Variants in USP10 observed in about 807,000 individuals in gnomAD.
USP10 encodes ubiquitin carboxyl-terminal hydrolase 10.
USP10 carries 22 observed loss-of-function variants against 84.5 expected under a neutral mutation model. That is an observed-to-expected ratio of 0.26 (90% CI 0.19 to 0.37). USP10 has a LOEUF of 0.37. Ranked by LOEUF, USP10 falls within the 10% of genes least tolerant of loss-of-function variation. The pLI, the probability that USP10 is intolerant of heterozygous loss-of-function variation, is 1.00. For synonymous variants in USP10, 454 were observed against 387.6 expected, an observed-to-expected ratio of 1.17 and a Z score of -2.01; for missense variants, 1,019 against 998.9, an observed-to-expected ratio of 1.02 and a Z score of -0.27.
At chr16:84,763,960 C>A in intron 9 of USP10, 126 bp from the exon 10 acceptor site, 1 of 1,215,910 alleles carries the variant, frequency 8.2e-7, no homozygotes, top group Non-Finnish European at 1.1e-6. Flanking sequence ...CGATTGGTTG[C>A]CGTGGCTCCT....
intron 1 of USP10, among the ~76,000 whole-genome samples, chr16:84,701,935 T>A (rs1904912336): frequency 1.5e-5 from 1 of 65,638 alleles, no homozygotes; most frequent in African/African-American, 4.8e-5. Flanking sequence ...AATTTTCTTC[T>A]TCTTTTTTTT....
Position 84,748,153 on chromosome 16 carries a change from C to CAA in USP10, c.1192+2503_1192+2504dup, listed in dbSNP as rs1169089505. 3.0e-3 allele frequency among the ~76,000 whole-genome samples: 153 copies of CAA among 51,146 alleles called. 8 individuals are homozygous for CAA. The highest frequency in any genetic ancestry group is 9.7e-3 in the South Asian group (7 of 722). 33.6% of individuals were successfully genotyped at this position (51,146 alleles called of 152,430 possible). A position where few individuals can be genotyped will look rare whatever the true frequency, so the allele number is the denominator to read the frequency against. ...TGGGCGACAGAGCCAGACTCCATCT[C>CAA]AAAAAAAAAAAAAAAAAAAAAAAAG... On this transcript the variant is annotated intron_variant, in intron 4 of 13. Coordinates refer to ENST00000219473, the MANE Select transcript of USP10 (RefSeq NM_005153.3).
At chr16:84,761,283 C>G (rs146144492) in intron 8 of USP10, among the ~76,000 whole-genome samples, 159 of 152,308 alleles carry the variant, frequency 1.0e-3, no homozygotes, top group African/African-American at 3.7e-3. Flanking sequence ...TCAGGAACCC[C>G]TCTTGGATCG....
At chr16:84,751,604 A>G (rs186875111) in intron 4 of USP10, among the ~76,000 whole-genome samples, 23 of 152,316 alleles carry the variant, frequency 1.5e-4, no homozygotes, top group Non-Finnish European at 3.1e-4. Flanking sequence ...TCTGTAGTCA[A>G]TGGGTAGTGG....
intron 4 of USP10, among the ~76,000 whole-genome samples, chr16:84,758,278 G>A (rs554453735): frequency 2.3e-4 from 35 of 152,346 alleles, no homozygotes; most frequent in South Asian, 4.1e-4. Context: ...TGGGGATGCA[G>A]AGAGGAATGA....
intron 2 of USP10, among the ~76,000 whole-genome samples, chr16:84,739,370 C>A (rs960665179): frequency 6.6e-6 from 1 of 152,118 alleles, no homozygotes; most frequent in African/African-American, 2.4e-5. Flanking sequence ...CCCCCAGGTT[C>A]AAACGATTCT....
chr16:84,772,345 T>C (rs1419598450), intron 11 of USP10, among the ~76,000 whole-genome samples, 196 bp from the exon 12 acceptor site: 1 of 152,104 alleles, frequency 6.6e-6, no homozygotes, highest in African/African-American at 2.4e-5. Context: ...AGCCACTGCA[T>C]CTGGGTATGT....
chr16:84,742,988 G>C (rs1910798624), intron 3 of USP10, among the ~76,000 whole-genome samples: 2 of 152,114 alleles, frequency 1.3e-5, no homozygotes, highest in Admixed American at 6.5e-5. Context: ...TTTCTAATGT[G>C]ATTTCACAGC....
At chr16:84,753,529 C>T (rs975354881) in intron 4 of USP10, among the ~76,000 whole-genome samples, 3 of 152,276 alleles carry the variant, frequency 2.0e-5, no homozygotes, top group South Asian at 4.1e-4. Flanking sequence ...TATAGCTGAG[C>T]GTGGTGCAGC....
chr16:84,711,270 CAT>C (rs1019638956), intron 1 of USP10, among the ~76,000 whole-genome samples: 7 of 152,224 alleles, frequency 4.6e-5, no homozygotes, highest in Admixed American at 1.3e-4. Flanking sequence ...TGTAAGTACA[CAT>C]GTGTTCCCCA....
chr16:84,739,936 G>A (rs1383340883), intron 2 of USP10, among the ~76,000 whole-genome samples: 1 of 152,188 alleles, frequency 6.6e-6, no homozygotes, highest in African/African-American at 2.4e-5. Flanking sequence ...AGTCATCTTC[G>A]CTAGTGCACA....
chr16:84,752,212 C>T (rs978257778), intron 4 of USP10, among the ~76,000 whole-genome samples: 2 of 152,164 alleles, frequency 1.3e-5, no homozygotes, highest in Admixed American at 6.5e-5. Context: ...TTCTAGGCAG[C>T]CCCACCAACT....
intron 3 of USP10, among the ~76,000 whole-genome samples, chr16:84,744,394 A>G (rs2150821315): frequency 6.6e-6 from 1 of 152,324 alleles, no homozygotes; most frequent in Admixed American, 6.5e-5. Flanking sequence ...CTACCTTCTG[A>G]AAGCCTTCCT....
intron 1 of USP10, among the ~76,000 whole-genome samples, chr16:84,700,512 C>T (rs1567578847): frequency 6.6e-6 from 1 of 152,086 alleles, no homozygotes; most frequent in Admixed American, 6.5e-5. Context: ...GGCCCCAGAG[C>T]AGCTCAGGTT....
intron 4 of USP10, among the ~76,000 whole-genome samples, chr16:84,747,089 G>C (rs931409973): frequency 1.3e-5 from 2 of 152,184 alleles, no homozygotes; most frequent in Non-Finnish European, 2.9e-5. Flanking sequence ...ACCATCATAC[G>C]TGCGGCTCAT....
intron 4 of USP10, among the ~76,000 whole-genome samples, chr16:84,750,323 G>T (rs1446324777): frequency 1.3e-5 from 2 of 150,048 alleles, no homozygotes; most frequent in Non-Finnish European, 1.5e-5. Flanking sequence ...CAGGAGAATA[G>T]CTTGAACCGG....
chr16:84,747,609 C>T (rs1911392265), intron 4 of USP10, among the ~76,000 whole-genome samples: 1 of 116,424 alleles, frequency 8.6e-6, no homozygotes, highest in Admixed American at 1.3e-4. Context: ...GTTGCTCAGG[C>T]TGTAGTGCAG....
In USP10 at chr16:84,738,154, C is replaced by T. The variant is rs1169910012; in HGVS notation, c.91-2155C>T. Among the ~76,000 whole-genome samples, 7 of 152,108 alleles carry T rather than the reference C, an allele frequency of 4.6e-5. No homozygotes were observed. In the East Asian group the frequency reaches 1.4e-3, roughly 29 times the overall value. ...CTGAATTGTGCGTCTTCCCAGCCTG[C>T]TGCAGTCTCTCGGGTCTGGAGGTTT... On this transcript the variant is annotated intron_variant, in intron 2 of 13. Coordinates refer to ENST00000219473, the MANE Select transcript of USP10 (RefSeq NM_005153.3).
intron 8 of USP10, among the ~76,000 whole-genome samples, chr16:84,762,445 C>G (rs2150854016): frequency 6.6e-6 from 1 of 152,294 alleles, no homozygotes; most frequent in East Asian, 1.9e-4. Context: ...AATCCCAGCA[C>G]TTTGGGAAGC....
Sources: gnomAD v4.1 joint callset for allele counts (sites outside exome capture counted in the v4.1 genomes callset) on GRCh38, gnomAD v4.1.1 for gene constraint, MANE v1.5 for transcripts, NCBI Gene and HGNC (gene_info 2026-07-23, HGNC 2026-07-21) for gene names.